ATXN1: variants seen among roughly 807,000 people sequenced by gnomAD.
The protein encoded by ATXN1 is ataxin 1.
ATXN1 carries 8 observed loss-of-function variants against 56.4 expected under a neutral mutation model. The observed-to-expected ratio is 0.14, with a 90% CI of 0.08 to 0.26. The LOEUF is 0.26. ATXN1 is among the 10% of genes least tolerant of loss of function. ATXN1 has a pLI of 1.00. For synonymous variants in ATXN1, 514 were observed against 494.6 expected (o/e 1.04, Z -0.52); for missense variants, 987 against 1,106.5 (o/e 0.89, Z 1.53).
intron 5 of ATXN1, 52 bp downstream of exon 5, chr6:16,522,575 A>G (rs1218924303): frequency 6.6e-6 from 1 of 152,216 alleles, no homozygotes; most frequent in Non-Finnish European, 1.5e-5. Flanking sequence ...TAGTAATTGG[A>G]TAATATTTTG....
intron 6 of ATXN1, among the ~76,000 whole-genome samples, chr6:16,418,568 A>G (rs1418435143): frequency 6.6e-6 from 1 of 151,870 alleles, no homozygotes; most frequent in Non-Finnish European, 1.5e-5. Context: ...TTATTTTATT[A>G]TTATTATACT....
intron 4 of ATXN1, among the ~76,000 whole-genome samples, chr6:16,549,498 A>C (rs939538130): frequency 6.6e-6 from 1 of 152,232 alleles, no homozygotes; most frequent in Non-Finnish European, 1.5e-5. Flanking sequence ...GTAAAAAGCC[A>C]TAAGTGAGGG....
intron 2 of ATXN1, among the ~76,000 whole-genome samples, chr6:16,748,551 T>G (rs1488057843): frequency 6.6e-6 from 1 of 152,198 alleles, no homozygotes; most frequent in Non-Finnish European, 1.5e-5. Flanking sequence ...GAGAAAATAA[T>G]GATGCCTACC....
intron 6 of ATXN1, among the ~76,000 whole-genome samples, chr6:16,416,009 A>C (rs985794593): frequency 2.6e-5 from 4 of 151,348 alleles, no homozygotes; most frequent in Admixed American, 6.6e-5. Context: ...GCTACATATG[A>C]GCCAGTACAT....
At chr6:16,309,518 G>GGGCTTCCT (rs1760339976) in intron 7 of ATXN1, among the ~76,000 whole-genome samples, 1 of 152,056 alleles carries the variant, frequency 6.6e-6, no homozygotes, top group Non-Finnish European at 1.5e-5. Flanking sequence ...TTGAATCCTA[G>GGGCTTCCT]GAGGAGGAAG....
At chr6:16,334,271 C>T (rs1324284174) in intron 6 of ATXN1, among the ~76,000 whole-genome samples, 4 of 152,090 alleles carry the variant, frequency 2.6e-5, no homozygotes, top group Non-Finnish European at 5.9e-5. Flanking sequence ...AATGTAAATG[C>T]CTGCCCTTGG....
chr6:16,312,324 A>G (rs2113382671), intron 7 of ATXN1, among the ~76,000 whole-genome samples: 1 of 152,274 alleles, frequency 6.6e-6, no homozygotes, highest in Admixed American at 6.5e-5. Context: ...CTCCAAAGAC[A>G]CCACTCTTGT....
chr6:16,694,633 G>A (rs764553880), intron 2 of ATXN1, among the ~76,000 whole-genome samples: 1 of 152,118 alleles, frequency 6.6e-6, no homozygotes, highest in African/African-American at 2.4e-5. Context: ...TTAGAAACTG[G>A]GAAACACACG....
At chr6:16,340,476 C>G (rs539709834) in intron 6 of ATXN1, among the ~76,000 whole-genome samples, 2 of 152,308 alleles carry the variant, frequency 1.3e-5, no homozygotes, top group Non-Finnish European at 2.9e-5. Flanking sequence ...CATGTCTGGA[C>G]CCCTCTAGAC....
rs1760099078 is a variant in ATXN1, at chr6:16,301,534, C to T, written c.*4795G>A. ...TTATTACTTGATGTGTTCTTAAATT[C>T]TCTATTTCAGAAATTCTGGGTTAAA... On this transcript the variant is annotated 3_prime_UTR_variant, in exon 8 of 8. Transcript: ENST00000436367. 1 of 152,192 alleles carries T rather than the reference C, an allele frequency of 6.6e-6. No individual in the cohort carries two copies. The highest frequency in any genetic ancestry group is 1.5e-5 in the Non-Finnish European group (1 of 67,998). The allele number at this position is 152,192 out of a possible 1,614,324, so 9.4% of individuals were successfully genotyped here.
chr6:16,644,822 G>T (rs1372100156), intron 3 of ATXN1, among the ~76,000 whole-genome samples: 1 of 152,098 alleles, frequency 6.6e-6, no homozygotes, highest in African/African-American at 2.4e-5. Context: ...AGCTGCAGGT[G>T]AGCAAAGCCT....
chr6:16,315,366 GAT>G (rs1272321404), intron 7 of ATXN1, among the ~76,000 whole-genome samples: 1 of 152,090 alleles, frequency 6.6e-6, no homozygotes, highest in African/African-American at 2.4e-5. Flanking sequence ...CACCTAGAAT[GAT>G]ACTATTTTTT....
chr6:16,466,687 G>T (rs1041890962), intron 6 of ATXN1, among the ~76,000 whole-genome samples: 3 of 150,586 alleles, frequency 2.0e-5, no homozygotes, highest in African/African-American at 7.3e-5. Context: ...AAAGCTACAT[G>T]TATTTATTTG....
chr6:16,383,337 C>G (rs1758173159), intron 6 of ATXN1, among the ~76,000 whole-genome samples: 1 of 152,188 alleles, frequency 6.6e-6, no homozygotes, highest in Admixed American at 6.5e-5. Context: ...CAGCATCATT[C>G]CACTTGAGCC....
intron 6 of ATXN1, among the ~76,000 whole-genome samples, chr6:16,334,891 G>A (rs1408382442): frequency 6.6e-6 from 1 of 152,220 alleles, no homozygotes; most frequent in Non-Finnish European, 1.5e-5. Context: ...ATGAGTAACA[G>A]CTGAGACAAC....
rs1447689028 is a variant in ATXN1 at position 16,301,972 on chromosome 6, T to C, written c.*4357A>G. On this transcript the variant is annotated 3_prime_UTR_variant, in exon 8 of 8. Coordinates refer to ENST00000436367, the MANE Select transcript of ATXN1 (RefSeq NM_001128164.2). ...AACAAAACAAAACAAAATCCAGAGC[T>C]ACAACAACAAAAATAAATTTTGGCA... The C allele has an allele frequency of 3.9e-5, 6 of 152,606 alleles. No individual in the cohort carries two copies. The highest frequency in any genetic ancestry group is 8.8e-5 in the Non-Finnish European group (6 of 68,030). 9.5% of individuals were successfully genotyped at this position (152,606 alleles called of 1,614,324 possible). A position where few individuals can be genotyped will look rare whatever the true frequency, so the allele number is the denominator to read the frequency against.
chr6:16,574,509 T>C (rs1198117590), intron 4 of ATXN1, among the ~76,000 whole-genome samples: 6 of 152,116 alleles, frequency 3.9e-5, no homozygotes, highest in Non-Finnish European at 8.8e-5. Flanking sequence ...GCACCCGGCC[T>C]AATTTTTGTA....
At chr6:16,600,354 G>A (rs1484295863) in intron 3 of ATXN1, among the ~76,000 whole-genome samples, 2 of 152,166 alleles carry the variant, frequency 1.3e-5, no homozygotes, top group Non-Finnish European at 2.9e-5. Flanking sequence ...ATAATTAAAA[G>A]TTGACTGTAT....
rs187336491 is a variant in ATXN1, at chr6:16,544,088, C to T, written c.-360-21400G>A. Among the ~76,000 whole-genome samples, 51 of 152,290 alleles carry T rather than the reference C, an allele frequency of 3.3e-4. 1 individual carries two copies. The East Asian group carries it at 7.9e-3, about 24-fold the overall frequency. ...GAGCAAGTCATAGCTCTCCTCTGCA[C>T]CTCAGTTTCCTAATCAGTAAAACAA... On this transcript the variant is annotated intron_variant, in intron 4 of 7. Transcript: ENST00000436367.
Sources: gnomAD v4.1 joint callset for allele counts (sites outside exome capture counted in the v4.1 genomes callset) on GRCh38, gnomAD v4.1.1 for gene constraint, MANE v1.5 for transcripts, NCBI Gene and HGNC (gene_info 2026-07-23, HGNC 2026-07-21) for gene names.